The following RNF212B variants were observed in gnomAD, a reference collection of about 807,000 sequenced individuals.
The protein encoded by RNF212B is E3 ubiquitin-protein ligase RNF212B.
Under a neutral mutation model 55.5 loss-of-function variants are expected in RNF212B, and 52 were observed. That is an observed-to-expected ratio of 0.94 (90% CI 0.75 to 1.18). The LOEUF is 1.18. Among genes scored for constraint, RNF212B ranks in the 50% most tolerant of loss-of-function variants. The probability of loss-of-function intolerance (pLI) is 0.00; values close to 1 mark genes in which losing one functional copy is unlikely to be tolerated. For missense variants in RNF212B, 289 were observed against 350.4 expected, an observed-to-expected ratio of 0.82 and a Z score of 1.40; for synonymous variants, 99 against 121.4, an observed-to-expected ratio of 0.82 and a Z score of 1.21.
upstream of RNF212B, among the ~76,000 whole-genome samples, chr14:23,236,762 A>G (rs1883133115): frequency 6.6e-6 from 1 of 152,064 alleles, no homozygotes; most frequent in Non-Finnish European, 1.5e-5. Flanking sequence ...AAAAAGTTTG[A>G]GAACTACTAC....
chr14:23,208,776 TG>T (rs1413407586), intron 2 of RNF212B, among the ~76,000 whole-genome samples: 1 of 143,716 alleles, frequency 7.0e-6, no homozygotes, highest in African/African-American at 2.8e-5. Flanking sequence ...TTTTTTTTTT[TG>T]AGACGGAGTC....
At chr14:23,264,327 G>C in intron 10 of RNF212B, 93 bp downstream of exon 10, 4 of 1,112,596 alleles carry the variant, frequency 3.6e-6, no homozygotes, top group Middle Eastern at 2.0e-4. Context: ...TATTGGTTTT[G>C]GCATAAATTA....
intron 2 of RNF212B, among the ~76,000 whole-genome samples, chr14:23,216,008 G>C (rs1018050249): frequency 6.6e-6 from 1 of 152,202 alleles, no homozygotes; most frequent in African/African-American, 2.4e-5. Context: ...CACTTTGGGA[G>C]GCCAAGGCGG....
intron 1 of RNF212B, among the ~76,000 whole-genome samples, chr14:23,187,360 T>G (rs1181816090): frequency 3.9e-5 from 6 of 152,004 alleles, no homozygotes; most frequent in African/African-American, 1.5e-4. Context: ...TACTCCCCCC[T>G]TTTTTAGAGA....
rs1260051567 is a variant in RNF212B, at chr14:23,262,952, A to T, written c.506A>T (p.His169Leu). Residue 169 changes from histidine to leucine, a missense_variant, in exon 9 of 15, where the codon CAT becomes CTT. Transcript: ENST00000430154. ...QSVTPRPSFQ[H>L]SSQVVSRSSS... Reference sequence around the variant, plus strand: ...GTTACCCCACGACCCAGTTTCCAGCATAGCAGTCAAGTGGTCAGGTAAACC... The same window carrying T: ...GTTACCCCACGACCCAGTTTCCAGCTTAGCAGTCAAGTGGTCAGGTAAACC... 6 of 1,550,476 alleles carry T rather than the reference A, an allele frequency of 3.9e-6. No individual in the cohort carries two copies. The Admixed American group carries it at 5.9e-5, about 15-fold the overall frequency.
chr14:23,186,215 A>T (rs1037812263), intron 1 of RNF212B, among the ~76,000 whole-genome samples: 2 of 152,250 alleles, frequency 1.3e-5, no homozygotes, highest in Non-Finnish European at 2.9e-5. Flanking sequence ...TCTTTTTGTG[A>T]CATAAACTCT....
intron 2 of RNF212B, among the ~76,000 whole-genome samples, chr14:23,214,476 AGAGT>A (rs1297637205): frequency 6.6e-6 from 1 of 152,182 alleles, no homozygotes; most frequent in Admixed American, 6.5e-5. Context: ...CCTGGGCAAC[AGAGT>A]GAGACTCAGT....
In RNF212B at chr14:23,269,904, G is replaced by C; in HGVS notation, c.716G>C (p.Arg239Thr). 1 of 1,549,540 alleles carries C rather than the reference G, an allele frequency of 6.5e-7. No individual in the cohort carries two copies. Among genetic ancestry groups the C allele is most frequent in the Non-Finnish European group, 8.7e-7 (1 of 1,146,328 alleles). ...ASSGQGIFSF[R>T]PSPNGHSGHT... Reference sequence around the variant, plus strand: ...TCTGGACAGGGGATTTTTTCTTTCAGACCATCCCCAAATGGGCATTCAGGC... The same window carrying C: ...TCTGGACAGGGGATTTTTTCTTTCACACCATCCCCAAATGGGCATTCAGGC... The change falls in exon 13 of 15, where the codon AGA becomes ACA. Residue 239 changes from arginine to threonine, a missense_variant. By Grantham distance (71) the Arg-to-Thr change is moderately conservative. Coordinates refer to ENST00000430154, the MANE Select transcript of RNF212B (RefSeq NM_001282322.3).
intron 4 of RNF212B, among the ~76,000 whole-genome samples, chr14:23,245,239 C>T (rs79686616): frequency 0.011 from 1,646 of 152,226 alleles, 32 homozygotes; most frequent in African/African-American, 0.037. Context: ...TCCTGCCTCT[C>T]AATCCTCACT....
intron 2 of RNF212B, among the ~76,000 whole-genome samples, chr14:23,200,053 A>G (rs60085951): frequency 0.011 from 1,628 of 152,254 alleles, 38 homozygotes; most frequent in African/African-American, 0.037. Context: ...AGACTCTAAC[A>G]ACGAGTGTAC....
At chr14:23,241,979 G>A (rs910026497) in intron 2 of RNF212B, among the ~76,000 whole-genome samples, 6 of 150,402 alleles carry the variant, frequency 4.0e-5, no homozygotes, top group African/African-American at 1.5e-4. Flanking sequence ...CTACTCAGGA[G>A]GCTGAGGCAG....
intron 11 of RNF212B, among the ~76,000 whole-genome samples, chr14:23,265,937 A>G (rs1219838861): frequency 6.6e-6 from 1 of 151,976 alleles, no homozygotes; most frequent in African/African-American, 2.4e-5. Context: ...AACATTTGGC[A>G]TGCTGTGTTT....
intron 4 of RNF212B, among the ~76,000 whole-genome samples, chr14:23,245,449 T>A (rs1883916231): frequency 6.6e-6 from 1 of 152,202 alleles, no homozygotes; most frequent in Non-Finnish European, 1.5e-5. Flanking sequence ...TAGGCATAGT[T>A]AATGATCAGT....
chr14:23,232,699 G>GC (rs1882773281), intron 2 of RNF212B, among the ~76,000 whole-genome samples: 1 of 148,104 alleles, frequency 6.8e-6, no homozygotes, highest in South Asian at 2.2e-4. Flanking sequence ...TGGGGGGTCA[G>GC]CCCCCGCCCG....
chr14:23,246,023 T>C (rs1162974463), intron 4 of RNF212B, among the ~76,000 whole-genome samples: 5 of 152,210 alleles, frequency 3.3e-5, no homozygotes, highest in Non-Finnish European at 7.3e-5. Flanking sequence ...CTGTACTTTG[T>C]GCTAATAGTT....
In RNF212B at chr14:23,244,384, T is replaced by C; in HGVS notation, c.216T>C (p.Ser72=). 1 of 1,538,888 alleles carries C rather than the reference T, an allele frequency of 6.5e-7. No individual in the cohort carries two copies. The highest frequency in any genetic ancestry group is 2.0e-5 in the Admixed American group (1 of 50,234). ...SPVETALQYF[S]HISQVWSFQK... Reference sequence around the variant, plus strand: ...TGGAGACAGCTTTGCAGTATTTTAGTCACATCTCTCAGGTATGAGAAACAA... The same window carrying C: ...TGGAGACAGCTTTGCAGTATTTTAGCCACATCTCTCAGGTATGAGAAACAA... Residue 72 remains serine (S), a synonymous_variant, in exon 4 of 15, where the codon AGT becomes AGC. Transcript: ENST00000430154.
At chr14:23,236,518 AAACAAC>A (rs374729877), upstream of RNF212B, among the ~76,000 whole-genome samples, 1,339 of 152,202 alleles carry the variant, frequency 8.8e-3, 18 homozygotes, top group African/African-American at 0.03. Flanking sequence ...CTGCTTCAAA[AAACAAC>A]AACAACAACA....
At chr14:23,230,017 T>G in intron 2 of RNF212B, 1 of 211,210 alleles carries the variant, frequency 4.7e-6, no homozygotes, top group South Asian at 8.5e-5. Context: ...TACCTGATTT[T>G]ATTATCAGTT....
intron 2 of RNF212B, among the ~76,000 whole-genome samples, chr14:23,201,865 G>A (rs574251322): frequency 1.2e-4 from 19 of 152,208 alleles, no homozygotes; most frequent in African/African-American, 3.6e-4. Context: ...AATTCCACTT[G>A]CTTTTCCAAA....
Sources: allele counts gnomAD v4.1 joint callset (sites outside exome capture counted in the v4.1 genomes callset), GRCh38; gene constraint gnomAD v4.1.1; transcripts MANE v1.5; gene names NCBI Gene and HGNC (gene_info 2026-07-23, HGNC 2026-07-21).